Variants in SPEN observed in about 807,000 individuals in gnomAD.
SPEN encodes spen family transcriptional repressor, also known as msx2-interacting protein.
In SPEN, 18 loss-of-function variants were observed where a neutral mutation model predicts 269.9. The observed-to-expected ratio is 0.07, with a 90% CI of 0.05 to 0.10. The LOEUF is 0.10. Among genes scored for constraint, SPEN ranks in the 10% least tolerant of loss-of-function variants. The pLI is 1.00. For synonymous variants in SPEN, 1,726 were observed against 1,765.7 expected (o/e 0.98, Z 0.56); for missense variants, 3,822 against 4,631.2 (o/e 0.83, Z 5.07).
At chr1:15,914,385 T>C (rs184993420) in intron 5 of SPEN, among the ~76,000 whole-genome samples, 5 of 152,330 alleles carry the variant, frequency 3.3e-5, no homozygotes, top group Admixed American at 3.3e-4. Context: ...TGGCTTTGTT[T>C]TACATTAAGA....
rs1369769896 is a variant in SPEN at position 15,930,349 on chromosome 1, T to C, written c.4109T>C (p.Val1370Ala). The change falls in exon 11 of 15, where the codon GTA becomes GCA. Residue 1370 changes from valine (V) to alanine (A), a missense_variant. Transcript: ENST00000375759. The surrounding 1 kb of genome is among the most constrained non-coding windows in gnomAD (Gnocchi z 5.3). The part of the protein sequence containing the change: ...IKRDSLRKRS[V>A]RDLEPGEVPS... ...AGAGATAGCCTTCGAAAAAGGTCTG[T>C]ACGAGATCTGGAACCTGGTGAGGTG... The C allele has an allele frequency of 1.2e-6, 2 of 1,613,758 alleles. No homozygotes were observed. Among genetic ancestry groups the C allele is most frequent in the Admixed American group, 3.3e-5 (2 of 60,014 alleles).
chr1:15,873,212 C>T (rs1010891090), intron 2 of SPEN, 76 bp downstream of exon 2: 4 of 1,475,994 alleles, frequency 2.7e-6, no homozygotes, highest in Non-Finnish European at 3.6e-6. Flanking sequence ...TTTAGGGGCC[C>T]CAGATGGATT....
At chr1:15,914,781 T>G (rs1198542211) in intron 5 of SPEN, among the ~76,000 whole-genome samples, 1 of 151,784 alleles carries the variant, frequency 6.6e-6, no homozygotes, top group Non-Finnish European at 1.5e-5. Flanking sequence ...CCGAGATTGC[T>G]CCGCTGCACT....
intron 5 of SPEN, among the ~76,000 whole-genome samples, chr1:15,911,899 TG>T (rs1364264107): frequency 6.6e-6 from 1 of 152,130 alleles, no homozygotes; most frequent in African/African-American, 2.4e-5. Flanking sequence ...AGGTCAAGGT[TG>T]TAGTGAGCTG....
chr1:15,873,674 A>T (rs908177329), intron 2 of SPEN: 1 of 997,104 alleles, frequency 1.0e-6, no homozygotes, highest in Non-Finnish European at 1.2e-6. Flanking sequence ...TAACATGGAA[A>T]TGTGTACTTG....
Position 15,930,508 on chromosome 1 carries a change from C to G in SPEN, c.4268C>G (p.Ser1423Cys). Reference protein sequence around the residue: ...DKLRERDERLSSSLERNKFYS... With the variant: ...DKLRERDERLCSSLERNKFYS... ...CTACGTGAGCGAGATGAAAGACTCTCTAGTTCTTTAGAAAGGAACAAATTT... is the reference window on the plus strand; with the variant it reads ...CTACGTGAGCGAGATGAAAGACTCTGTAGTTCTTTAGAAAGGAACAAATTT... The change falls in exon 11 of 15, where the codon TCT becomes TGT. Residue 1423 changes from serine to cysteine, a missense_variant. Physicochemically the swap from Ser to Cys is moderately radical, Grantham distance 112. Coordinates refer to ENST00000375759, the MANE Select transcript of SPEN (RefSeq NM_015001.3). This position sits in a 1 kb window ranked among gnomAD's most constrained non-coding sequence, Gnocchi z 5.3. 1 of 1,614,168 alleles carries G rather than the reference C, an allele frequency of 6.2e-7. No individual in the cohort carries two copies. Among genetic ancestry groups the G allele is most frequent in the Non-Finnish European group, 8.5e-7 (1 of 1,180,028 alleles).
At chr1:15,915,802 G>A (rs1349527080) in intron 5 of SPEN, among the ~76,000 whole-genome samples, 3 of 152,074 alleles carry the variant, frequency 2.0e-5, no homozygotes. Context: ...ACATCTTAAA[G>A]TGCTGGAATT....
At chr1:15,897,869 G>A (rs560901078) in intron 3 of SPEN, among the ~76,000 whole-genome samples, 1 of 152,142 alleles carries the variant, frequency 6.6e-6, no homozygotes, top group Non-Finnish European at 1.5e-5. Flanking sequence ...AGTTTAGATC[G>A]CTTTTCAATA....
intron 1 of SPEN, among the ~76,000 whole-genome samples, chr1:15,856,933 T>C (rs1306401025): frequency 1.3e-5 from 2 of 152,194 alleles, no homozygotes; most frequent in Non-Finnish European, 2.9e-5. Flanking sequence ...ATTTGTGTTA[T>C]ATATCTTAAA....
intron 3 of SPEN, among the ~76,000 whole-genome samples, chr1:15,885,683 C>G (rs2070730350): frequency 6.6e-6 from 1 of 152,194 alleles, no homozygotes; most frequent in Admixed American, 6.5e-5. Context: ...GAGCGGCTCT[C>G]TTAAATACTT....
chr1:15,859,562 G>A (rs1428056356), intron 1 of SPEN, among the ~76,000 whole-genome samples: 2 of 151,426 alleles, frequency 1.3e-5, no homozygotes, highest in Admixed American at 6.6e-5. Flanking sequence ...GTAGAGACAG[G>A]GTTTCACCGT....
At chr1:15,905,718 G>A (rs1213523096) in intron 3 of SPEN, among the ~76,000 whole-genome samples, 1 of 151,530 alleles carries the variant, frequency 6.6e-6, no homozygotes, top group Non-Finnish European at 1.5e-5. Context: ...GACTACAGAC[G>A]CACGCCACCA....
In SPEN at chr1:15,934,005, C is replaced by G. The variant is rs775330053; in HGVS notation, c.7765C>G (p.Pro2589Ala). Residue 2589 changes from proline to alanine, a missense_variant, in exon 11 of 15, where the codon CCA becomes GCA. By Grantham distance (27) the Pro-to-Ala change is conservative (BLOSUM62 -1). This residue lies in a region of SPEN where 727 missense variants were observed against 737.9 expected (regional missense o/e 0.99). Coordinates refer to ENST00000375759, the MANE Select transcript of SPEN (RefSeq NM_015001.3). This position sits in a 1 kb window ranked among gnomAD's most constrained non-coding sequence, Gnocchi z 9.2. ...KKPLEEKTAP[P>A]VTNNSEIQAS... ...GCCTTTAGAAGAAAAAACAGCACCT[C>G]CAGTGACAAACAACTCTGAGATACA... 6.2e-7 allele frequency: 1 copy of G among 1,614,068 alleles called. No homozygotes were observed. The highest frequency in any genetic ancestry group is 2.2e-5 in the East Asian group (1 of 44,884).
rs1421795181 is a variant in SPEN at position 15,874,129 on chromosome 1, A to G, written c.404+993A>G. Reference sequence around the variant, plus strand: ...TGGAAATATTTATGAATGTGGATAAATTTCTAATTGTCTGCTATCTCAAGA... The same window carrying G: ...TGGAAATATTTATGAATGTGGATAAGTTTCTAATTGTCTGCTATCTCAAGA... On this transcript the variant is annotated intron_variant, in intron 2 of 14. Transcript: ENST00000375759. 4.4e-6 allele frequency: 6 copies of G among 1,363,422 alleles called. No individual in the cohort carries two copies. The African/African-American group carries it at 8.9e-5, about 20-fold the overall frequency. The allele number at this position is 1,363,422 out of a possible 1,614,324, so 84.5% of individuals were successfully genotyped here.
Position 15,931,697 on chromosome 1 carries a change from C to T in SPEN, c.5457C>T (p.Asn1819=), listed in dbSNP as rs375502345. The change falls in exon 11 of 15, where the codon AAC becomes AAT. Residue 1819 remains asparagine, a synonymous_variant. Transcript: ENST00000375759. The surrounding 1 kb of genome is among the most constrained non-coding windows in gnomAD (Gnocchi z 4.8). The part of the protein sequence containing the change: ...PPVAAKDKKP[N]KSKRSKTPVQ... Reference sequence around the variant, plus strand: ...TTGCTGCAAAGGATAAAAAGCCAAACAAAAGCAAGCGTTCAAAGACCCCTG... The same window carrying T: ...TTGCTGCAAAGGATAAAAAGCCAAATAAAAGCAAGCGTTCAAAGACCCCTG... 1.2e-6 allele frequency: 2 copies of T among 1,614,166 alleles called. No individual in the cohort carries two copies. Among genetic ancestry groups the T allele is most frequent in the South Asian group, 2.2e-5 (2 of 91,080 alleles).
At position 15,938,957 on chromosome 1, in the gene SPEN, C is replaced by T. The variant is rs922429650; in HGVS notation, c.10863+81C>T. The T allele has an allele frequency of 1.4e-5, 21 of 1,508,854 alleles. No individual in the cohort carries two copies. In the Admixed American group the frequency reaches 3.7e-4, roughly 27 times the overall value. 93.5% of individuals were successfully genotyped at this position (1,508,854 alleles called of 1,614,324 possible). On this transcript the variant is annotated intron_variant, in intron 14 of 14. Transcript: ENST00000375759. ...GGTAGGTGGGCCTACTCATCTGGTG[C>T]CCACTAGATCTGGCCCCAGAGGTGG...
chr1:15,892,013 T>C (rs1180949190), intron 3 of SPEN, among the ~76,000 whole-genome samples: 4 of 7,696 alleles, frequency 5.2e-4, no homozygotes, highest in Admixed American at 3.7e-3. Flanking sequence ...TTCTTTTTAC[T>C]TTTTTTTTTT....
chr1:15,862,605 G>A (rs2070458986), intron 1 of SPEN, among the ~76,000 whole-genome samples: 1 of 152,078 alleles, frequency 6.6e-6, no homozygotes, highest in African/African-American at 2.4e-5. Flanking sequence ...CTTTTGAGAG[G>A]TTTGTCAGTT....
At position 15,939,921 on chromosome 1, in the gene SPEN, A is replaced by G. The variant is rs1301921221; in HGVS notation, c.*494A>G. 3.4e-5 allele frequency: 8 copies of G among 233,132 alleles called. No homozygotes were observed. Among genetic ancestry groups the G allele is most frequent in the Non-Finnish European group, 3.4e-5 (4 of 117,808 alleles). The allele number at this position is 233,132 out of a possible 1,614,324, so 14.4% of individuals were successfully genotyped here. On this transcript the variant is annotated 3_prime_UTR_variant, in exon 15 of 15. Coordinates refer to ENST00000375759, the MANE Select transcript of SPEN (RefSeq NM_015001.3). The surrounding 1 kb of genome is among the most constrained non-coding windows in gnomAD (Gnocchi z 4.1). ...TCTGCTGAGACCTTGGGGTCAAGGA[A>G]CATTTCATTGGTTTTTTTTGTCCAC... is the stretch of plus-strand genomic sequence containing the variant.
Sources: allele counts gnomAD v4.1 joint callset (sites outside exome capture counted in the v4.1 genomes callset), GRCh38; gene constraint gnomAD v4.1.1; regional missense constraint gnomAD v4.1.1; non-coding constraint Gnocchi (gnomAD v3.1); transcripts MANE v1.5; gene names NCBI Gene and HGNC (gene_info 2026-07-23, HGNC 2026-07-21).